ZCCHC9: variants seen among roughly 807,000 people sequenced by gnomAD.
ZCCHC9 encodes zinc finger CCHC domain-containing protein 9.
ZCCHC9 carries 18 observed loss-of-function variants against 30.8 expected under a neutral mutation model. That is an observed-to-expected ratio of 0.58 (90% CI 0.40 to 0.87). The LOEUF is 0.87. Ranked by LOEUF, ZCCHC9 falls within the 40% of genes least tolerant of loss-of-function variation. The probability of loss-of-function intolerance (pLI) is 0.00; values close to 1 mark genes in which losing one functional copy is unlikely to be tolerated. For missense variants in ZCCHC9, 279 were observed against 331.2 expected (o/e 0.84, Z 1.22); for synonymous variants, 94 against 106.7 (o/e 0.88, Z 0.73).
intron 2 of ZCCHC9, 190 bp from the exon 3 acceptor site, chr5:81,308,371 A>G: frequency 3.3e-6 from 2 of 612,602 alleles, no homozygotes; most frequent in Non-Finnish European, 5.1e-6. Context: ...TTCAAAAGCA[A>G]TGAAACCCTC....
chr5:81,308,027 A>ATCTGTCTG (rs1169502724), intron 2 of ZCCHC9, among the ~76,000 whole-genome samples: 1 of 138,366 alleles, frequency 7.2e-6, no homozygotes, highest in South Asian at 2.3e-4. Context: ...AAAAAAATCT[A>ATCTGTCTG]TCTATCTATC....
chr5:81,308,767 C>A, intron 3 of ZCCHC9, 56 bp downstream of exon 3: 1 of 1,556,860 alleles, frequency 6.4e-7, no homozygotes, highest in African/African-American at 1.4e-5. Context: ...ATAAATAGCA[C>A]CTTGGGTATT....
intron 1 of ZCCHC9, chr5:81,303,480 C>T (rs1392911154): frequency 2.0e-5 from 3 of 152,236 alleles, no homozygotes; most frequent in African/African-American, 7.2e-5. Flanking sequence ...AAGACACACA[C>T]ATTGTGCCTA....
In ZCCHC9 at chr5:81,304,930, A is replaced by G. The variant is rs1371882516; in HGVS notation, c.173A>G (p.His58Arg). 9 of 1,613,754 alleles carry G rather than the reference A, an allele frequency of 5.6e-6. No individual in the cohort carries two copies. In the African/African-American group the frequency reaches 9.3e-5, roughly 17 times the overall value. The change falls in exon 2 of 6, where the codon CAT becomes CGT. Residue 58 changes from histidine to arginine, a missense_variant. Coordinates refer to ENST00000407610, the MANE Select transcript of ZCCHC9 (RefSeq NM_001131035.2). ...SLKNDAPQAKHKKNKKKKEYL... is the reference protein window; with the variant it reads ...SLKNDAPQAKRKKNKKKKEYL... ...AAAAATGATGCACCCCAAGCAAAACATAAAAAGAACAAAAAGAAAAAAGAG... is the reference window on the plus strand; with the variant it reads ...AAAAATGATGCACCCCAAGCAAAACGTAAAAAGAACAAAAAGAAAAAAGAG...
At chr5:81,307,127 T>C (rs1241454106) in intron 2 of ZCCHC9, among the ~76,000 whole-genome samples, 1 of 152,250 alleles carries the variant, frequency 6.6e-6, no homozygotes, top group Non-Finnish European at 1.5e-5. Context: ...TAAATGACTA[T>C]TTATTATCCA....
In ZCCHC9 at chr5:81,308,644, A is replaced by G. The variant is rs1483366764; in HGVS notation, c.468A>G (p.Ile156Met). The G allele has an allele frequency of 6.2e-7, 1 of 1,613,786 alleles. No homozygotes were observed. Among genetic ancestry groups the G allele is most frequent in the Non-Finnish European group, 8.5e-7 (1 of 1,179,902 alleles). Residue 156 changes from isoleucine (I) to methionine (M), a missense_variant, in exon 3 of 6, where the codon ATA (isoleucine) becomes ATG (methionine). Coordinates refer to ENST00000407610, the MANE Select transcript of ZCCHC9 (RefSeq NM_001131035.2). ...ALENQDMGTGICYRCGSTEHE... is the reference protein window; with the variant it reads ...ALENQDMGTGMCYRCGSTEHE... ...AAAATCAAGACATGGGCACTGGGAT[A>G]TGTTACAGGTGTGGGTCCACAGAGC... is the stretch of plus-strand genomic sequence containing the variant.
At chr5:81,305,250 T>G in intron 2 of ZCCHC9, 109 bp downstream of exon 2, 3 of 1,412,320 alleles carry the variant, frequency 2.1e-6, no homozygotes, top group Non-Finnish European at 1.9e-6. Flanking sequence ...ATGTCCCAGA[T>G]TTATAGAGCA....
rs767298828 is a variant in ZCCHC9 at position 81,308,687 on chromosome 5, A to G, written c.511A>G (p.Lys171Glu). Residue 171 changes from lysine (K) to glutamate (E), a missense_variant, in exon 3 of 6, where the codon AAG becomes GAG. Lys to Glu is a moderately conservative substitution (Grantham distance 56). Transcript: ENST00000407610. ...CACAGAGCACGAAATAACCAAGTGTAAGGCTAAAGTAGACCCGGCTCTTGG... is the reference window on the plus strand; with the variant it reads ...CACAGAGCACGAAATAACCAAGTGTGAGGCTAAAGTAGACCCGGCTCTTGG... ...GSTEHEITKC[K>E]AKVDPALGEF... The G allele has an allele frequency of 3.7e-6, 6 of 1,612,660 alleles. No individual in the cohort carries two copies. The highest frequency in any genetic ancestry group is 1.3e-5 in the African/African-American group (1 of 75,006).
intron 2 of ZCCHC9, among the ~76,000 whole-genome samples, 193 bp downstream of exon 2, chr5:81,305,334 C>T (rs1758058605): frequency 6.6e-6 from 1 of 151,812 alleles, no homozygotes; most frequent in East Asian, 1.9e-4. Context: ...ATTACAACAA[C>T]ACAGCAAAGG....
At chr5:81,312,390 A>G (rs950658818) in intron 5 of ZCCHC9, among the ~76,000 whole-genome samples, 154 bp from the exon 6 acceptor site, 4 of 152,232 alleles carry the variant, frequency 2.6e-5, no homozygotes, top group African/African-American at 9.6e-5. Context: ...GTTATAATCA[A>G]TTACAGAATT....
rs369305906 is a variant in ZCCHC9 at position 81,308,899 on chromosome 5, C to T, written c.536-47C>T. On this transcript the variant is annotated intron_variant, in intron 3 of 5. Coordinates refer to ENST00000407610, the MANE Select transcript of ZCCHC9 (RefSeq NM_001131035.2). ...TTTTAAAATAATGTTAATTTTATGA[C>T]TTGCCATATGTATTGTCAACTGAAT... 6.4e-5 allele frequency: 97 copies of T among 1,507,004 alleles called. 1 individual carries two copies. In the East Asian group the frequency reaches 6.6e-4, roughly 10 times the overall value. The allele number at this position is 1,507,004 out of a possible 1,614,324, so 93.4% of individuals were successfully genotyped here.
At chr5:81,308,278 C>T (rs1325518049) in intron 2 of ZCCHC9, 2 of 260,522 alleles carry the variant, frequency 7.7e-6, no homozygotes, top group Non-Finnish European at 7.2e-6. Flanking sequence ...TCCATATTTG[C>T]TCAATTCATT....
At chr5:81,312,052 G>C (rs943596511) in intron 5 of ZCCHC9, among the ~76,000 whole-genome samples, 9 of 152,150 alleles carry the variant, frequency 5.9e-5, no homozygotes, top group African/African-American at 2.2e-4. Context: ...TTACAAGCTT[G>C]TCTAGAAGAT....
chr5:81,303,164 G>A (rs1002093050), intron 1 of ZCCHC9: 10 of 152,080 alleles, frequency 6.6e-5, no homozygotes, highest in African/African-American at 1.9e-4. Flanking sequence ...CAGGTGGTGC[G>A]CGCCTGTAGC....
chr5:81,308,837 A>G (rs1758174601), intron 3 of ZCCHC9, 109 bp from the exon 4 acceptor site: 1 of 1,388,926 alleles, frequency 7.2e-7, no homozygotes, highest in Non-Finnish European at 9.6e-7. Flanking sequence ...ATGAGATTAA[A>G]TTTTAAGTTA....
At chr5:81,310,152 A>G (rs918814959) in intron 4 of ZCCHC9, among the ~76,000 whole-genome samples, 7 of 138,050 alleles carry the variant, frequency 5.1e-5, no homozygotes, top group African/African-American at 1.9e-4. Flanking sequence ...CAAAGTGACT[A>G]GCTGTAAAAA....
intron 1 of ZCCHC9, chr5:81,303,499 C>T (rs1336374588): frequency 6.5e-6 from 1 of 152,724 alleles, no homozygotes; most frequent in Non-Finnish European, 1.5e-5. Context: ...TACACCGGGT[C>T]AGGAGCATCA....
chr5:81,304,595 T>G, intron 1 of ZCCHC9, 146 bp from the exon 2 acceptor site: 1 of 614,614 alleles, frequency 1.6e-6, no homozygotes, highest in Non-Finnish European at 2.7e-6. Flanking sequence ...TGTATACAGA[T>G]ATCTAACTGA....
Position 81,308,674 on chromosome 5 carries a change from A to G in ZCCHC9, c.498A>G (p.Glu166=). The G allele has an allele frequency of 6.2e-7, 1 of 1,613,468 alleles. No homozygotes were observed. Among genetic ancestry groups the G allele is most frequent in the Non-Finnish European group, 8.5e-7 (1 of 1,179,742 alleles). Residue 166 remains glutamate (E), a synonymous_variant, in exon 3 of 6, where the codon GAA becomes GAG. Coordinates refer to ENST00000407610, the MANE Select transcript of ZCCHC9 (RefSeq NM_001131035.2). ...ICYRCGSTEH[E]ITKCKAKVDP... is the part of the protein sequence containing the mutation. ...ACAGGTGTGGGTCCACAGAGCACGA[A>G]ATAACCAAGTGTAAGGCTAAAGTAG...
Sources: gnomAD v4.1 joint callset for allele counts (sites outside exome capture counted in the v4.1 genomes callset) on GRCh38, gnomAD v4.1.1 for gene constraint, MANE v1.5 for transcripts, NCBI Gene and HGNC (gene_info 2026-07-23, HGNC 2026-07-21) for gene names.